Variants in POU1F1 observed in about 807,000 individuals in gnomAD.
POU1F1 encodes POU class 1 homeobox 1.
Under a neutral mutation model 32.3 loss-of-function variants are expected in POU1F1, and 23 were observed. That is an observed-to-expected ratio of 0.71 (90% CI 0.51 to 1.01). POU1F1 has a LOEUF of 1.01. Among genes scored for constraint, POU1F1 ranks in the 50% least tolerant of loss-of-function variants. POU1F1 has a pLI of 0.00. For missense variants in POU1F1, 323 were observed against 341.6 expected, an observed-to-expected ratio of 0.95 and a Z score of 0.43; for synonymous variants, 120 against 115.6, an observed-to-expected ratio of 1.04 and a Z score of -0.25.
chr3:87,264,745 G>A (rs1354977867), intron 2 of POU1F1, among the ~76,000 whole-genome samples: 3 of 152,020 alleles, frequency 2.0e-5, no homozygotes, highest in African/African-American at 7.2e-5. Flanking sequence ...AGGGTTAAAG[G>A]AAAGAAGCAG....
intron 1 of POU1F1, 63 bp from the exon 2 acceptor site, chr3:87,273,481 G>T (rs770773559): frequency 6.2e-7 from 1 of 1,605,458 alleles, no homozygotes; most frequent in Non-Finnish European, 8.5e-7. Context: ...TTGGATCAAA[G>T]ACAAAATAGA....
chr3:87,269,875 G>T (rs1706694165), intron 2 of POU1F1, among the ~76,000 whole-genome samples: 1 of 152,038 alleles, frequency 6.6e-6, no homozygotes, highest in African/African-American at 2.4e-5. Flanking sequence ...ATGTAAAGAT[G>T]GTGGGTTTAA....
chr3:87,271,835 A>G (rs1706732189), intron 2 of POU1F1, among the ~76,000 whole-genome samples: 1 of 152,148 alleles, frequency 6.6e-6, no homozygotes, highest in Admixed American at 6.6e-5. Flanking sequence ...TTTACAGGTC[A>G]TTGTTAAGAA....
Position 87,264,269 on chromosome 3 carries a change from G to A in POU1F1, c.439+19C>T, listed in dbSNP as rs760890038. 88 of 1,576,336 alleles carry A rather than the reference G, an allele frequency of 5.6e-5. No individual in the cohort carries two copies. Among genetic ancestry groups the A allele is most frequent in the Admixed American group, 1.0e-4 (6 of 59,856 alleles). On this transcript the variant is annotated intron_variant, in intron 3 of 5. Transcript: ENST00000350375. ...TGCAAACCAAGTTCTTTTTCCTGTT[G>A]CCTTTAACAAGCACATACCTAATTT...
chr3:87,262,670 T>C (rs764419458), intron 3 of POU1F1, among the ~76,000 whole-genome samples: 73 of 152,256 alleles, frequency 4.8e-4, no homozygotes, highest in Non-Finnish European at 9.4e-4. Context: ...ATTTCAACTC[T>C]AAAAGATTCA....
chr3:87,269,439 G>C (rs913489286), intron 2 of POU1F1, among the ~76,000 whole-genome samples: 1 of 152,116 alleles, frequency 6.6e-6, no homozygotes, highest in Admixed American at 6.6e-5. Flanking sequence ...GACCTTTCAC[G>C]ATGTGGAAGC....
rs750936874 is a variant in POU1F1, at chr3:87,266,178, AT to A, written c.215-1667del. Among the ~76,000 whole-genome samples, 20 of 147,914 alleles carry A rather than the reference AT, an allele frequency of 1.4e-4. 1 individual carries two copies. The highest frequency in any genetic ancestry group is 6.1e-4 in the Admixed American group (9 of 14,746). ...GTAACTCAGCAAATTGTTGGTTTAT[AT>A]TTTTTATATAAAAATATGTAATCAT... On this transcript the variant is annotated intron_variant, in intron 2 of 5. Transcript: ENST00000350375.
intron 2 of POU1F1, among the ~76,000 whole-genome samples, chr3:87,272,344 T>C (rs1706743501): frequency 6.6e-6 from 1 of 152,184 alleles, no homozygotes; most frequent in Non-Finnish European, 1.5e-5. Flanking sequence ...AGGGTACATG[T>C]GTACAATGTG....
intron 2 of POU1F1, among the ~76,000 whole-genome samples, chr3:87,268,602 C>G (rs1706670812): frequency 6.6e-6 from 1 of 151,992 alleles, no homozygotes; most frequent in African/African-American, 2.4e-5. Context: ...ATATGTTTTT[C>G]AAATCTTTTT....
chr3:87,266,152 C>T (rs946392900), intron 2 of POU1F1, among the ~76,000 whole-genome samples: 6 of 147,740 alleles, frequency 4.1e-5, no homozygotes, highest in African/African-American at 4.9e-5. Context: ...CAAAGAATAC[C>T]GTAACTCAGC....
chr3:87,264,560 CCTT>C (rs543001371), intron 2 of POU1F1, 48 bp from the exon 3 acceptor site: 1 of 1,422,934 alleles, frequency 7.0e-7, no homozygotes, highest in South Asian at 1.2e-5. Flanking sequence ...TTGTCATTCT[CCTT>C]ATTTCTATAT....
chr3:87,266,462 T>A (rs896132902), intron 2 of POU1F1, among the ~76,000 whole-genome samples: 9 of 150,416 alleles, frequency 6.0e-5, no homozygotes, highest in Non-Finnish European at 1.3e-4. Flanking sequence ...AACATACAAA[T>A]GAGAGATTAA....
In POU1F1 at chr3:87,259,622, A is replaced by G. The variant is rs1706466683; in HGVS notation, c.*272T>C. ...ATATGTCTGCGTGTGTGTGAGAAAG[A>G]GAGCGGGAGAGACAGAGAGATCATT... On this transcript the variant is annotated 3_prime_UTR_variant, in exon 6 of 6. Coordinates refer to ENST00000350375, the MANE Select transcript of POU1F1 (RefSeq NM_000306.4). The G allele has an allele frequency of 7.4e-6, 3 of 406,220 alleles. No individual in the cohort carries two copies. The East Asian group carries it at 1.6e-4, about 22-fold the overall frequency. 25.2% of individuals were successfully genotyped at this position (406,220 alleles called of 1,614,324 possible). A position where few individuals can be genotyped will look rare whatever the true frequency, so the allele number is the denominator to read the frequency against.
chr3:87,274,171 A>G (rs915059781), intron 1 of POU1F1, among the ~76,000 whole-genome samples: 3 of 152,134 alleles, frequency 2.0e-5, no homozygotes, highest in African/African-American at 7.2e-5. Flanking sequence ...AATATCCATA[A>G]AGCCATAAAG....
In POU1F1 at chr3:87,264,512, C is replaced by T. The variant is rs1253853756; in HGVS notation, c.215G>A (p.Gly72Asp). The change falls in exon 3 of 6, where the codon GGT (glycine) becomes GAT (aspartate). Residue 72 changes from glycine (G) to aspartate (D), a missense_variant and splice_region_variant. Physicochemically the swap from Gly to Asp is moderately conservative, Grantham distance 94. Coordinates refer to ENST00000350375, the MANE Select transcript of POU1F1 (RefSeq NM_000306.4). ...NQPSTYGVMA[G>D]SLTPCLYKFP... is the part of the protein sequence containing the mutation. Reference sequence around the variant, plus strand: ...TTTATAAAGACAAGGGGTTAAACTACCTGTGAGTAAACAAAGAAATAAAAT... The same window carrying T: ...TTTATAAAGACAAGGGGTTAAACTATCTGTGAGTAAACAAAGAAATAAAAT... The T allele has an allele frequency of 1.3e-6, 2 of 1,567,148 alleles. No individual in the cohort carries two copies. The highest frequency in any genetic ancestry group is 2.2e-5 in the East Asian group (1 of 44,602).
At chr3:87,265,560 T>C (rs1412821097) in intron 2 of POU1F1, among the ~76,000 whole-genome samples, 1 of 152,006 alleles carries the variant, frequency 6.6e-6, no homozygotes, top group Non-Finnish European at 1.5e-5. Context: ...CAATTTATAT[T>C]AAATGACATG....
chr3:87,268,089 T>C (rs1164316653), intron 2 of POU1F1, among the ~76,000 whole-genome samples: 2 of 141,912 alleles, frequency 1.4e-5, no homozygotes, highest in Non-Finnish European at 3.1e-5. Flanking sequence ...TTTCCCTTTT[T>C]TTTTTTTTTT....
chr3:87,275,667 A>T (rs1706812905), intron 1 of POU1F1, among the ~76,000 whole-genome samples: 1 of 152,128 alleles, frequency 6.6e-6, no homozygotes, highest in African/African-American at 2.4e-5. Flanking sequence ...TTTTTGTTCT[A>T]AAAAGTTATG....
chr3:87,273,469 G>A (rs1559618849), intron 1 of POU1F1, 51 bp from the exon 2 acceptor site: 3 of 1,609,314 alleles, frequency 1.9e-6, no homozygotes, highest in Admixed American at 3.4e-5. Flanking sequence ...ACATTTAGGA[G>A]TTTGGATCAA....
Sources: allele counts gnomAD v4.1 joint callset (sites outside exome capture counted in the v4.1 genomes callset), GRCh38; gene constraint gnomAD v4.1.1; transcripts MANE v1.5; gene names NCBI Gene and HGNC (gene_info 2026-07-23, HGNC 2026-07-21).